P3H2: variants seen among roughly 807,000 people sequenced by gnomAD.
P3H2 encodes leprecan-like 1.
In P3H2, 80 loss-of-function variants were observed where a neutral mutation model predicts 87.0. The observed-to-expected ratio is 0.92, with a 90% CI of 0.77 to 1.11. The LOEUF is 1.11. Among genes scored for constraint, P3H2 ranks in the 50% least tolerant of loss-of-function variants. P3H2 has a pLI of 0.00. For synonymous variants in P3H2, 367 were observed against 359.3 expected (o/e 1.02, Z -0.24); for missense variants, 1,001 against 923.9 (o/e 1.08, Z -1.08).
In P3H2 at chr3:190,079,776, C is replaced by A. The variant is rs114910231; in HGVS notation, c.480+40476G>T. On this transcript the variant is annotated intron_variant, in intron 1 of 14. Transcript: ENST00000319332. ...AGCTGTATATTACAGTGGTGAGAAC[C>A]TTTACCTCAAAGCAGATAGAACTGA... Among the ~76,000 whole-genome samples, 234 of 152,310 alleles carry A rather than the reference C, an allele frequency of 1.5e-3. 1 individual carries two copies. Among genetic ancestry groups the A allele is most frequent in the African/African-American group, 5.5e-3 (228 of 41,574 alleles).
intron 1 of P3H2, among the ~76,000 whole-genome samples, chr3:190,072,224 A>T (rs1052179742): frequency 6.6e-5 from 10 of 152,034 alleles, no homozygotes; most frequent in Admixed American, 5.2e-4. Flanking sequence ...ACGGGGTTTG[A>T]CCATGTTGGC....
At chr3:190,050,919 T>A (rs889551558) in intron 1 of P3H2, among the ~76,000 whole-genome samples, 6 of 152,194 alleles carry the variant, frequency 3.9e-5, no homozygotes, top group Non-Finnish European at 7.3e-5. Flanking sequence ...ACCTACACAA[T>A]ACCAATGATA....
chr3:189,984,863 A>T (rs1723642993), intron 6 of P3H2, among the ~76,000 whole-genome samples: 1 of 152,144 alleles, frequency 6.6e-6, no homozygotes, highest in Non-Finnish European at 1.5e-5. Flanking sequence ...TTTGTCCAAG[A>T]AAGTGACTTG....
intron 1 of P3H2, among the ~76,000 whole-genome samples, chr3:190,069,892 T>C (rs1679442828): frequency 6.6e-6 from 1 of 151,442 alleles, no homozygotes; most frequent in African/African-American, 2.4e-5. Context: ...TTAGCATGGA[T>C]TGTGGAGAAA....
intron 1 of P3H2, among the ~76,000 whole-genome samples, chr3:190,026,799 TAAG>T (rs1725099485): frequency 6.6e-6 from 1 of 152,116 alleles, no homozygotes. Flanking sequence ...TAAAGTAAAA[TAAG>T]AAGTGCTTCA....
At chr3:190,052,491 C>T (rs946661471) in intron 1 of P3H2, among the ~76,000 whole-genome samples, 8 of 152,112 alleles carry the variant, frequency 5.3e-5, no homozygotes, top group Admixed American at 3.3e-4. Context: ...GTGAACTATA[C>T]TACAGAGTAA....
intron 1 of P3H2, among the ~76,000 whole-genome samples, chr3:190,075,999 T>G (rs75835871): frequency 6.6e-6 from 1 of 152,164 alleles, no homozygotes; most frequent in Non-Finnish European, 1.5e-5. Flanking sequence ...CTTTGTCTTG[T>G]ACTCCTCATG....
intron 1 of P3H2, among the ~76,000 whole-genome samples, chr3:190,011,287 A>T (rs1443052827): frequency 6.6e-5 from 10 of 151,956 alleles, no homozygotes; most frequent in African/African-American, 1.9e-4. Flanking sequence ...AAAAAAAAAA[A>T]ATAGAGTTTC....
chr3:190,055,098 G>A (rs1030048480), intron 1 of P3H2, among the ~76,000 whole-genome samples: 8 of 152,090 alleles, frequency 5.3e-5, no homozygotes, highest in African/African-American at 9.7e-5. Context: ...AGACTCCCCC[G>A]TCTTCCCCAA....
At chr3:189,988,772 A>G in intron 4 of P3H2, 135 bp downstream of exon 4, 1 of 1,110,552 alleles carries the variant, frequency 9.0e-7, no homozygotes, top group Non-Finnish European at 1.4e-6. Context: ...GCAGCTCAGG[A>G]GAGAAGAAAT....
intron 1 of P3H2, among the ~76,000 whole-genome samples, chr3:190,029,787 G>T (rs779144489): frequency 1.3e-5 from 2 of 152,180 alleles, no homozygotes; most frequent in South Asian, 4.1e-4. Context: ...GATCACCTGA[G>T]GTCAGGAGTT....
intron 1 of P3H2, among the ~76,000 whole-genome samples, chr3:190,080,255 T>C (rs963289459): frequency 6.6e-6 from 1 of 152,164 alleles, no homozygotes; most frequent in African/African-American, 2.4e-5. Context: ...GATACGGGCA[T>C]AGCAGAGGGC....
intron 1 of P3H2, among the ~76,000 whole-genome samples, chr3:190,053,952 G>GT (rs1451319233): frequency 2.0e-5 from 3 of 152,084 alleles, no homozygotes; most frequent in Non-Finnish European, 2.9e-5. Flanking sequence ...ATCTATTGAG[G>GT]TTTTTTTATA....
At chr3:190,087,332 C>A (rs6444416) in intron 1 of P3H2, among the ~76,000 whole-genome samples, 59,970 of 151,574 alleles carry the variant, frequency 0.4, 15,257 homozygotes, top group African/African-American at 0.74. Context: ...GTCAGGAGAT[C>A]GAGACCATCC....
intron 3 of P3H2, among the ~76,000 whole-genome samples, chr3:189,993,751 A>G (rs370555223): frequency 6.6e-6 from 1 of 152,198 alleles, no homozygotes; most frequent in African/African-American, 2.4e-5. Context: ...AAATGGCTCT[A>G]CGTACTTACG....
chr3:189,971,208 T>G (rs1723168354), intron 12 of P3H2, among the ~76,000 whole-genome samples: 1 of 152,260 alleles, frequency 6.6e-6, no homozygotes, highest in Admixed American at 6.5e-5. Flanking sequence ...CCACCCTAAT[T>G]ACAACTCTCT....
intron 1 of P3H2, among the ~76,000 whole-genome samples, chr3:190,030,380 T>C (rs1725215286): frequency 6.6e-6 from 1 of 152,190 alleles, no homozygotes; most frequent in African/African-American, 2.4e-5. Flanking sequence ...AAGATGAGCC[T>C]GGGCAACATG....
chr3:190,017,112 TTC>T (rs1188996849), intron 1 of P3H2, among the ~76,000 whole-genome samples: 5 of 152,366 alleles, frequency 3.3e-5, no homozygotes, highest in South Asian at 2.1e-4. Flanking sequence ...CTGCTGCATC[TTC>T]TCTGTGTTTC....
chr3:190,021,428 T>A (rs1430404048), intron 1 of P3H2, among the ~76,000 whole-genome samples: 1 of 135,456 alleles, frequency 7.4e-6, no homozygotes, highest in Admixed American at 7.5e-5. Context: ...TTTTCAATTT[T>A]TTGTTCTGTA....
Sources: allele counts gnomAD v4.1 joint callset (sites outside exome capture counted in the v4.1 genomes callset), GRCh38; gene constraint gnomAD v4.1.1; transcripts MANE v1.5; gene names NCBI Gene and HGNC (gene_info 2026-07-23, HGNC 2026-07-21).